MCF2L: variants seen among roughly 807,000 people sequenced by gnomAD.
MCF2L encodes MCF.2 cell line derived transforming sequence like.
Under a neutral mutation model 153.4 loss-of-function variants are expected in MCF2L, and 97 were observed. The ratio of observed to expected loss-of-function variants is 0.63; its 90% CI spans 0.54 to 0.75. The LOEUF (loss-of-function observed/expected upper bound fraction) is 0.75, where lower values mean the gene tolerates loss of function less well. Among genes scored for constraint, MCF2L ranks in the 30% least tolerant of loss-of-function variants. The probability of loss-of-function intolerance (pLI) is 0.00; values close to 1 mark genes in which losing one functional copy is unlikely to be tolerated. For missense variants in MCF2L, 1,347 were observed against 1,495.2 expected, an observed-to-expected ratio of 0.90 and a Z score of 1.64; for synonymous variants, 659 against 632.2, an observed-to-expected ratio of 1.04 and a Z score of -0.64.
intron 1 of MCF2L, among the ~76,000 whole-genome samples, chr13:112,973,774 G>A (rs1433727664): frequency 1.3e-5 from 2 of 152,190 alleles, no homozygotes; most frequent in Non-Finnish European, 2.9e-5. Context: ...GGAGACCCGT[G>A]GCTCCAGGGG....
chr13:112,972,779 GCATA>G (rs1406605221), intron 1 of MCF2L, among the ~76,000 whole-genome samples: 7 of 330 alleles, frequency 0.021, no homozygotes, highest in Non-Finnish European at 0.03. Context: ...AGGGATGGAT[GCATA>G]GATGAGTGGA....
intron 27 of MCF2L, 160 bp downstream of exon 27, chr13:113,094,795 G>C (rs1000525175): frequency 1.6e-5 from 17 of 1,058,294 alleles, no homozygotes; most frequent in Non-Finnish European, 1.5e-5. Context: ...GGCAGTGCCA[G>C]CTCCTCCTAA....
chr13:113,028,691 G>A lies in MCF2L; in HGVS notation c.278+3933G>A, dbSNP rs530686604. ...GGAAGAGGCCTTTCTATCACCAAAC[G>A]CTCTAAATCAGATCCTGGAAATGCC... On this transcript the variant is annotated intron_variant, in intron 3 of 29. Coordinates refer to ENST00000535094, the MANE Select transcript of MCF2L (RefSeq NM_001112732.3). The surrounding 1 kb of genome is among the most constrained non-coding windows in gnomAD (Gnocchi z 5.4). Among the ~76,000 whole-genome samples the A allele has an allele frequency of 6.6e-5, 10 of 152,280 alleles. No individual in the cohort carries two copies. The highest frequency in any genetic ancestry group is 1.9e-4 in the East Asian group (1 of 5,184).
intron 2 of MCF2L, among the ~76,000 whole-genome samples, chr13:113,024,036 C>T (rs1394165969): frequency 6.6e-6 from 1 of 152,216 alleles, no homozygotes; most frequent in East Asian, 1.9e-4. Flanking sequence ...GGACTCCGTC[C>T]GGCCAAGGCA....
chr13:113,039,079 T>C (rs149880948), intron 3 of MCF2L, among the ~76,000 whole-genome samples: 2,737 of 152,304 alleles, frequency 0.018, 38 homozygotes, highest in Non-Finnish European at 0.027. Flanking sequence ...CTGGATGGTC[T>C]CGATCTCCTG....
chr13:112,967,306 C>T (rs1026976377), upstream of MCF2L, among the ~76,000 whole-genome samples: 7 of 151,958 alleles, frequency 4.6e-5, no homozygotes, highest in South Asian at 2.1e-4. Flanking sequence ...ATTGTGCCGC[C>T]GTAGGCACCC....
At position 113,045,414 on chromosome 13, in the gene MCF2L, G is replaced by GACC. The variant is rs930743873; in HGVS notation, c.369+54_369+56dup. 7.1e-7 allele frequency: 1 copy of GACC among 1,409,742 alleles called. No homozygotes were observed. The highest frequency in any genetic ancestry group is 1.4e-5 in the African/African-American group (1 of 70,902). The allele number at this position is 1,409,742 out of a possible 1,614,324, so 87.3% of individuals were successfully genotyped here. A position where few individuals can be genotyped will look rare whatever the true frequency, so the allele number is the denominator to read the frequency against. On this transcript the variant is annotated intron_variant, in intron 4 of 29. Transcript: ENST00000535094. The surrounding 1 kb of genome is among the most constrained non-coding windows in gnomAD (Gnocchi z 4.2). The stretch of plus-strand genomic sequence containing the variant: ...CGCCCGGCCCCTCCCTGGGCTGCAT[G>GACC]ACCGCATGGTGCCCTTCCTCTGTGT...
intron 2 of MCF2L, chr13:112,909,636 T>C (rs1468506437): frequency 3.9e-6 from 1 of 258,200 alleles, no homozygotes; most frequent in Non-Finnish European, 7.6e-6. Context: ...GAGGGTTGTT[T>C]TGTTTTGTTT....
chr13:112,962,850 G>A (rs571964571), intron 2 of MCF2L, among the ~76,000 whole-genome samples: 79 of 152,348 alleles, frequency 5.2e-4, no homozygotes, highest in African/African-American at 1.7e-3. Flanking sequence ...CCTCAACACA[G>A]TAGTTTGCTG....
intron 2 of MCF2L, among the ~76,000 whole-genome samples, chr13:113,022,385 A>T (rs961009783): frequency 1.4e-5 from 1 of 69,794 alleles, no homozygotes. Flanking sequence ...CCTCCCACCC[A>T]CCCCCGCCGG....
upstream of MCF2L, chr13:112,968,820 G>A: frequency 7.7e-7 from 1 of 1,298,608 alleles, no homozygotes; most frequent in South Asian, 1.9e-5. Flanking sequence ...GTGGAGACCC[G>A]GAACCGGGGG....
chr13:112,990,020 C>T (rs1171585831), intron 1 of MCF2L, among the ~76,000 whole-genome samples: 1 of 152,232 alleles, frequency 6.6e-6, no homozygotes, highest in Non-Finnish European at 1.5e-5. Flanking sequence ...CACTGCTGAT[C>T]TGACAGGAGG....
chr13:112,981,844 GC>G (rs931189043), intron 1 of MCF2L, among the ~76,000 whole-genome samples: 2 of 152,250 alleles, frequency 1.3e-5, no homozygotes, highest in African/African-American at 4.8e-5. Context: ...GCCTTGTCCG[GC>G]CCCCTCCCAG....
chr13:113,023,091 C>A (rs1210896101), intron 2 of MCF2L, among the ~76,000 whole-genome samples: 1 of 152,210 alleles, frequency 6.6e-6, no homozygotes, highest in Non-Finnish European at 1.5e-5. Flanking sequence ...TAGAATGCAG[C>A]ATTGCGGGGA....
chr13:112,952,253 C>T (rs2081702286), intron 2 of MCF2L, among the ~76,000 whole-genome samples: 1 of 152,182 alleles, frequency 6.6e-6, no homozygotes, highest in Non-Finnish European at 1.5e-5. Flanking sequence ...GCTTCGGGCT[C>T]CCTCCTGCTC....
intron 3 of MCF2L, among the ~76,000 whole-genome samples, chr13:113,032,991 C>A (rs1477470202): frequency 0.01 from 1,527 of 146,550 alleles, 22 homozygotes; most frequent in African/African-American, 0.037. Flanking sequence ...ATGTGAGTGG[C>A]CCCCGTGATG....
intron 2 of MCF2L, among the ~76,000 whole-genome samples, chr13:112,925,779 T>C (rs2081395712): frequency 6.6e-6 from 1 of 152,128 alleles, no homozygotes; most frequent in Non-Finnish European, 1.5e-5. Context: ...CATGTTCCTA[T>C]ATCTAGTAAA....
intron 1 of MCF2L, among the ~76,000 whole-genome samples, chr13:113,004,206 C>T (rs914174445): frequency 6.6e-6 from 1 of 152,172 alleles, no homozygotes; most frequent in Non-Finnish European, 1.5e-5. Context: ...GGAGCTGGTC[C>T]CTACTACATA....
At position 113,089,725 on chromosome 13, in the gene MCF2L, A is replaced by C; in HGVS notation, c.2950A>C (p.Lys984Gln). 1 of 1,613,392 alleles carries C rather than the reference A, an allele frequency of 6.2e-7. No individual in the cohort carries two copies. Among genetic ancestry groups the C allele is most frequent in the Non-Finnish European group, 8.5e-7 (1 of 1,179,626 alleles). Residue 984 changes from lysine (K) to glutamine (Q), a missense_variant, in exon 26 of 30, where the codon AAA (lysine) becomes CAA (glutamine). Transcript: ENST00000535094. ...ACTGACAAAGCCCCCCGAAAAGGGC[A>C]AAGGTGGGTATGTGCAGGGACCGGG... ...APLTKPPEKG[K>Q]GWSKTSHSLE... is the part of the protein sequence containing the mutation.
Sources: gnomAD v4.1 joint callset for allele counts (sites outside exome capture counted in the v4.1 genomes callset) on GRCh38, gnomAD v4.1.1 for gene constraint, Gnocchi (gnomAD v3.1) non-coding constraint, MANE v1.5 for transcripts, NCBI Gene and HGNC (gene_info 2026-07-23, HGNC 2026-07-21) for gene names.